Variants in KHDRBS3 observed in about 807,000 individuals in gnomAD.
KHDRBS3 encodes KH domain-containing, RNA-binding, signal transduction-associated protein 3.
A neutral mutation model predicts 45.6 loss-of-function variants in KHDRBS3; 23 were observed. That is an observed-to-expected ratio of 0.50 (90% CI 0.36 to 0.72). KHDRBS3 has a LOEUF of 0.72. Among genes scored for constraint, KHDRBS3 ranks in the 30% least tolerant of loss-of-function variants. The pLI is 0.00. For synonymous variants in KHDRBS3, 162 were observed against 156.5 expected, an observed-to-expected ratio of 1.04 and a Z score of -0.26; for missense variants, 352 against 424.8, an observed-to-expected ratio of 0.83 and a Z score of 1.51.
chr8:135,522,543 A>G (rs1392997438), intron 2 of KHDRBS3, among the ~76,000 whole-genome samples: 1 of 152,214 alleles, frequency 6.6e-6, no homozygotes, highest in Non-Finnish European at 1.5e-5. Context: ...TGCAGGCTGT[A>G]GCTGCCTCAT....
At chr8:135,607,180 G>C in intron 7 of KHDRBS3, 143 bp downstream of exon 7, 1 of 555,342 alleles carries the variant, frequency 1.8e-6, no homozygotes. Flanking sequence ...GAGAAGCCCT[G>C]TCTGTTCTAG....
intron 1 of KHDRBS3, among the ~76,000 whole-genome samples, chr8:135,506,437 T>A (rs1187735713): frequency 6.7e-6 from 1 of 149,982 alleles, no homozygotes; most frequent in Non-Finnish European, 1.5e-5. Flanking sequence ...GGAGTCTTGC[T>A]CTGTTGCCCA....
At chr8:135,595,850 G>T (rs931289686) in intron 6 of KHDRBS3, among the ~76,000 whole-genome samples, 7 of 152,126 alleles carry the variant, frequency 4.6e-5, no homozygotes, top group Non-Finnish European at 8.8e-5. Context: ...TGAAGCCCTT[G>T]TTCTTGTGGA....
chr8:135,651,142 T>C (rs79647707), downstream of KHDRBS3, among the ~76,000 whole-genome samples: 730 of 152,072 alleles, frequency 4.8e-3, 8 homozygotes, highest in Non-Finnish European at 5.7e-3. Flanking sequence ...TTAAGACCAA[T>C]AGAAGATAAC....
intron 6 of KHDRBS3, among the ~76,000 whole-genome samples, chr8:135,590,411 G>A (rs932653149): frequency 8.6e-5 from 13 of 152,034 alleles, no homozygotes; most frequent in African/African-American, 3.1e-4. Flanking sequence ...ACCTTTCTGG[G>A]CCCGAATTTT....
chr8:135,475,375 G>A (rs1409940356), intron 1 of KHDRBS3, among the ~76,000 whole-genome samples: 1 of 151,832 alleles, frequency 6.6e-6, no homozygotes, highest in African/African-American at 2.4e-5. Context: ...AAGTGGTGTA[G>A]ATCTCGGCTC....
intron 5 of KHDRBS3, among the ~76,000 whole-genome samples, chr8:135,557,950 G>A (rs1415642091): frequency 1.3e-5 from 2 of 152,140 alleles, no homozygotes; most frequent in African/African-American, 2.4e-5. Flanking sequence ...ACACTTATTA[G>A]CTGATGATTC....
intron 1 of KHDRBS3, among the ~76,000 whole-genome samples, chr8:135,498,959 G>A (rs1823596188): frequency 6.6e-6 from 1 of 152,114 alleles, no homozygotes; most frequent in Non-Finnish European, 1.5e-5. Context: ...GTACATTTGA[G>A]TTAGATCCAT....
intron 6 of KHDRBS3, among the ~76,000 whole-genome samples, chr8:135,588,786 T>C (rs1048304071): frequency 6.6e-6 from 1 of 152,242 alleles, no homozygotes; most frequent in African/African-American, 2.4e-5. Context: ...TATATCATAG[T>C]ATCAAAACTA....
chr8:135,459,139 G>T (rs548214277), intron 1 of KHDRBS3, among the ~76,000 whole-genome samples: 1 of 152,274 alleles, frequency 6.6e-6, no homozygotes, highest in African/African-American at 2.4e-5. Flanking sequence ...CTTTTTTATT[G>T]TTGGAAGTGA....
chr8:135,493,286 A>G (rs1450105064), intron 1 of KHDRBS3, among the ~76,000 whole-genome samples: 2 of 151,754 alleles, frequency 1.3e-5, no homozygotes, highest in Admixed American at 1.3e-4. Context: ...AATTTCTTTT[A>G]TATTTCTCTT....
intron 2 of KHDRBS3, among the ~76,000 whole-genome samples, chr8:135,526,470 G>C (rs563882268): frequency 6.6e-6 from 1 of 152,162 alleles, no homozygotes; most frequent in Non-Finnish European, 1.5e-5. Context: ...CAATATTTCT[G>C]CTTAGCATAA....
intron 6 of KHDRBS3, among the ~76,000 whole-genome samples, chr8:135,591,127 C>A (rs1828724242): frequency 6.6e-6 from 1 of 152,166 alleles, no homozygotes; most frequent in Non-Finnish European, 1.5e-5. Context: ...AAGAGAGGCA[C>A]TAGGTACCTT....
intron 5 of KHDRBS3, among the ~76,000 whole-genome samples, chr8:135,567,421 T>A (rs1827482344): frequency 6.6e-6 from 1 of 152,206 alleles, no homozygotes. Context: ...ATGTACTATT[T>A]CCAGAAGTAT....
At chr8:135,523,005 C>A (rs907492609) in intron 2 of KHDRBS3, among the ~76,000 whole-genome samples, 3 of 152,230 alleles carry the variant, frequency 2.0e-5, no homozygotes, top group East Asian at 1.9e-4. Context: ...TAGTTCACTT[C>A]TTTTAATCTA....
chr8:135,555,012 A>ACTT (rs566524050), intron 4 of KHDRBS3, among the ~76,000 whole-genome samples: 204 of 152,220 alleles, frequency 1.3e-3, no homozygotes, highest in South Asian at 2.7e-3. Context: ...GCCTGCCGTT[A>ACTT]ATTTCTGTGG....
chr8:135,592,394 A>C (rs1349793311), intron 6 of KHDRBS3, among the ~76,000 whole-genome samples: 5 of 152,204 alleles, frequency 3.3e-5, no homozygotes, highest in Admixed American at 3.3e-4. Context: ...TAGTTGAGCT[A>C]TAATGGTTTT....
Position 135,572,281 on chromosome 8 carries a change from C to T in KHDRBS3, c.612-9597C>T, listed in dbSNP as rs191427078. 1.1e-4 allele frequency among the ~76,000 whole-genome samples: 17 copies of T among 152,276 alleles called. No individual in the cohort carries two copies. The East Asian group carries it at 2.7e-3, about 24-fold the overall frequency. ...AGGAGCTCTCTGTTATCAGAGACTT[C>T]ACTGGGTACAAAGAGAAGAAAAATA... On this transcript the variant is annotated intron_variant, in intron 5 of 8. Coordinates refer to ENST00000355849, the MANE Select transcript of KHDRBS3 (RefSeq NM_006558.3).
intron 2 of KHDRBS3, among the ~76,000 whole-genome samples, chr8:135,525,753 A>G (rs896273117): frequency 1.3e-5 from 2 of 152,218 alleles, no homozygotes; most frequent in Non-Finnish European, 2.9e-5. Context: ...TGTGCTCAAT[A>G]TGCTCTGTAT....
Sources: gnomAD v4.1 joint callset for allele counts (sites outside exome capture counted in the v4.1 genomes callset) on GRCh38, gnomAD v4.1.1 for gene constraint, MANE v1.5 for transcripts, NCBI Gene and HGNC (gene_info 2026-07-23, HGNC 2026-07-21) for gene names.